RHBG: variants seen among roughly 807,000 people sequenced by gnomAD.
RHBG encodes the protein ammonium transporter Rh type B.
A neutral mutation model predicts 40.1 loss-of-function variants in RHBG; 39 were observed. The ratio of observed to expected loss-of-function variants is 0.97; its 90% CI spans 0.75 to 1.27. The LOEUF is 1.27. RHBG is among the 50% of genes most tolerant of loss of function. The pLI, the probability that RHBG is intolerant of heterozygous loss-of-function variation, is 0.00. For missense variants in RHBG, 549 were observed against 588.1 expected, an observed-to-expected ratio of 0.93 and a Z score of 0.69; for synonymous variants, 237 against 252.5, an observed-to-expected ratio of 0.94 and a Z score of 0.58.
At chr1:156,369,475 C>T (rs912473441) in intron 1 of RHBG, 39 bp downstream of exon 1, 2 of 1,549,050 alleles carry the variant, frequency 1.3e-6, no homozygotes, top group Non-Finnish European at 1.7e-6. Context: ...GCAAAGACCC[C>T]AAGATTTGCA....
chr1:156,384,121 A>C (rs569759370), intron 8 of RHBG, among the ~76,000 whole-genome samples: 24 of 152,338 alleles, frequency 1.6e-4, no homozygotes, highest in African/African-American at 5.8e-4. Context: ...GGCGTGAGCC[A>C]CTGCGCCCGG....
intron 1 of RHBG, among the ~76,000 whole-genome samples, chr1:156,375,269 C>T (rs190316894): frequency 2.5e-3 from 386 of 151,684 alleles, no homozygotes; most frequent in South Asian, 0.013. Flanking sequence ...GACGGGGTTT[C>T]GCCATATTGG....
At chr1:156,378,547 G>A (rs1417059806) in intron 4 of RHBG, 148 bp downstream of exon 4, 2 of 900,226 alleles carry the variant, frequency 2.2e-6, no homozygotes, top group Non-Finnish European at 1.7e-6. Context: ...AGAGCTCTGG[G>A]ACCTGCCTGC....
chr1:156,383,368 C>G (rs1667805329), intron 8 of RHBG, among the ~76,000 whole-genome samples: 1 of 152,230 alleles, frequency 6.6e-6, no homozygotes, highest in Non-Finnish European at 1.5e-5. Context: ...CCTCTGTCTC[C>G]CGGGTTCAAG....
chr1:156,382,075 T>C lies in RHBG; in HGVS notation c.986T>C (p.Leu329Pro). The change falls in exon 7 of 10, where the codon CTT (leucine) becomes CCT (proline). Residue 329 changes from leucine to proline, a missense_variant. This residue lies in a region of RHBG where 399 missense variants were observed against 417.0 expected (regional missense o/e 0.96). Coordinates refer to ENST00000537040, the MANE Select transcript of RHBG (RefSeq NM_020407.5). ...TLGYKFFTPI[L>P]ESKFKVQDTC... ...ATCTGTCTTGCCCTCCAGCCCATCC[T>C]TGAATCAAAATTCAAAGTCCAAGAC... 6.2e-7 allele frequency: 1 copy of C among 1,610,182 alleles called. No homozygotes were observed. The highest frequency in any genetic ancestry group is 8.5e-7 in the Non-Finnish European group (1 of 1,176,970).
Position 156,382,184 on chromosome 1 carries a change from T to C in RHBG, c.1095T>C (p.His365=), listed in dbSNP as rs962590975. 3.1e-6 allele frequency: 5 copies of C among 1,613,946 alleles called. No individual in the cohort carries two copies. Among genetic ancestry groups the C allele is most frequent in the Middle Eastern group, 1.6e-4 (1 of 6,082 alleles). ...LGVLVAGLAT[H]EAYGDGLESV... ...TCCTTGTGGCTGGACTTGCCACCCA[T>C]GAAGCTTACGGAGATGGGTGAGTTT... The change falls in exon 7 of 10, where the codon CAT becomes CAC. Residue 365 remains histidine, a synonymous_variant. Coordinates refer to ENST00000537040, the MANE Select transcript of RHBG (RefSeq NM_020407.5).
Position 156,377,902 on chromosome 1 carries a change from T to C in RHBG, c.375-88T>C. ...CTCCAACCCCACCCCACCCACCACA[T>C]CATGCTGTCCTGGCTTCATGCCAGG... is the stretch of plus-strand genomic sequence containing the variant. On this transcript the variant is annotated intron_variant, in intron 2 of 9. Transcript: ENST00000537040. This position sits in a 1 kb window ranked among gnomAD's most constrained non-coding sequence, Gnocchi z 4.6. 1.8e-6 allele frequency: 1 copy of C among 570,340 alleles called. No individual in the cohort carries two copies. Among genetic ancestry groups the C allele is most frequent in the Non-Finnish European group, 3.0e-6 (1 of 333,942 alleles). The allele number at this position is 570,340 out of a possible 1,614,324, so 35.3% of individuals were successfully genotyped here. A position where few individuals can be genotyped will look rare whatever the true frequency, so the allele number is the denominator to read the frequency against.
In RHBG at chr1:156,378,292, G is replaced by T. The variant is rs764936674; in HGVS notation, c.566G>T (p.Gly189Val). 3.1e-6 allele frequency: 5 copies of T among 1,614,038 alleles called. No homozygotes were observed. In the Admixed American group the frequency reaches 8.3e-5, roughly 27 times the overall value. ...GGCTCCATGACTATCCACACCTTTG[G>T]TGCCTACTTCGGGCTCGTCCTTTCG... ...AGGSMTIHTFGAYFGLVLSRV... is the reference protein window; with the variant it reads ...AGGSMTIHTFVAYFGLVLSRV... Residue 189 changes from glycine (G) to valine (V), a missense_variant, in exon 4 of 10, where the codon GGT becomes GTT. By Grantham distance (109) the Gly-to-Val change is moderately radical. Transcript: ENST00000537040.
At position 156,381,839 on chromosome 1, in the gene RHBG, G is replaced by T. The variant is rs775830654; in HGVS notation, c.874G>T (p.Val292Phe). 2.5e-6 allele frequency: 4 copies of T among 1,595,084 alleles called. No homozygotes were observed. The East Asian group carries it at 8.9e-5, about 36-fold the overall frequency. ...HIQNAALAGGVVVGTSSEMML... is the reference protein window; with the variant it reads ...HIQNAALAGGFVVGTSSEMML... ...CCAAAATGCAGCGCTGGCTGGAGGG[G>T]TTGTGGTGGGGACCTCAAGTGAAAT... Residue 292 changes from valine (V) to phenylalanine (F), a missense_variant, in exon 6 of 10, where the codon GTT becomes TTT. This residue lies in a region of RHBG where 399 missense variants were observed against 417.0 expected (regional missense o/e 0.96). Coordinates refer to ENST00000537040, the MANE Select transcript of RHBG (RefSeq NM_020407.5).
At position 156,378,413 on chromosome 1, in the gene RHBG, G is replaced by A. The variant is rs113186314; in HGVS notation, c.673+14G>A. 1.2e-3 allele frequency: 1,868 copies of A among 1,580,286 alleles called. 21 individuals carry two copies. The African/African-American group carries it at 0.022, about 19-fold the overall frequency. On this transcript the variant is annotated intron_variant, in intron 4 of 9. Transcript: ENST00000537040. ...TCGCCATGATTGGTGAGGCCTTCGA[G>A]GTGCGGTAGCAGGGCAGGGGGCTGG...
intron 4 of RHBG, among the ~76,000 whole-genome samples, chr1:156,380,571 C>CA (rs1425821146): frequency 6.6e-6 from 1 of 151,262 alleles, no homozygotes; most frequent in Non-Finnish European, 1.5e-5. Flanking sequence ...ACTAAAAATA[C>CA]AAAAATTACC....
At chr1:156,382,943 G>C (rs1667767544) in intron 8 of RHBG, 74 bp downstream of exon 8, 12 of 1,592,168 alleles carry the variant, frequency 7.5e-6, no homozygotes, top group Non-Finnish European at 9.5e-6. Flanking sequence ...TTCACTCATA[G>C]ATATTTATGG....
At chr1:156,379,935 A>C (rs1373087161) in intron 4 of RHBG, among the ~76,000 whole-genome samples, 1 of 151,994 alleles carries the variant, frequency 6.6e-6, no homozygotes, top group Admixed American at 6.6e-5. Context: ...CTTTCCCAAA[A>C]TGCACAGGCC....
chr1:156,378,819 C>T (rs370478739), intron 4 of RHBG, among the ~76,000 whole-genome samples: 5 of 152,208 alleles, frequency 3.3e-5, no homozygotes, highest in South Asian at 2.1e-4. Flanking sequence ...CAATCTCTGC[C>T]GGCCCCTGGT....
rs754285167 is a variant in RHBG at position 156,381,563 on chromosome 1, G to A, written c.840+50G>A. 3 of 1,555,608 alleles carry A rather than the reference G, an allele frequency of 1.9e-6. No homozygotes were observed. The South Asian group carries it at 3.7e-5, about 19-fold the overall frequency. ...GGCAGAGGGGGTGGCCTGGGCAGGG[G>A]AGGAGAGGTCTGAGACCCTCAAGAA... is the stretch of plus-strand genomic sequence containing the variant. On this transcript the variant is annotated intron_variant, in intron 5 of 9. Transcript: ENST00000537040.
chr1:156,379,397 A>G (rs780989460), intron 4 of RHBG, among the ~76,000 whole-genome samples: 1 of 151,854 alleles, frequency 6.6e-6, no homozygotes, highest in Middle Eastern at 3.4e-3. Context: ...TTTTTTTTTC[A>G]TAGAAGGTAT....
Position 156,377,901 on chromosome 1 carries a change from A to G in RHBG, c.375-89A>G. ...ACTCCAACCCCACCCCACCCACCAC[A>G]TCATGCTGTCCTGGCTTCATGCCAG... On this transcript the variant is annotated intron_variant, in intron 2 of 9. Coordinates refer to ENST00000537040, the MANE Select transcript of RHBG (RefSeq NM_020407.5). The surrounding 1 kb of genome is among the most constrained non-coding windows in gnomAD (Gnocchi z 4.6). 8.1e-7 allele frequency: 1 copy of G among 1,230,008 alleles called. No homozygotes were observed. Among genetic ancestry groups the G allele is most frequent in the South Asian group, 1.6e-5 (1 of 62,986 alleles). 76.2% of individuals were successfully genotyped at this position (1,230,008 alleles called of 1,614,324 possible).
chr1:156,372,471 C>CT (rs1666921379), intron 1 of RHBG, among the ~76,000 whole-genome samples: 1 of 152,182 alleles, frequency 6.6e-6, no homozygotes, highest in Admixed American at 6.5e-5. Context: ...TGGACAGGTT[C>CT]TTTTTTCATA....
rs183987681 is a variant in RHBG, at chr1:156,383,472, C to T, written c.1234+603C>T. On this transcript the variant is annotated intron_variant, in intron 8 of 9. Transcript: ENST00000537040. ...TGTATTTTTAGTAGAGACGGGGTTTCGCCATGTTGGCCAGGCTGGTCTCAG... is the reference window on the plus strand; with the variant it reads ...TGTATTTTTAGTAGAGACGGGGTTTTGCCATGTTGGCCAGGCTGGTCTCAG... Among the ~76,000 whole-genome samples the T allele has an allele frequency of 1.2e-3, 188 of 152,334 alleles. 1 individual carries two copies. Among genetic ancestry groups the T allele is most frequent in the Non-Finnish European group, 2.2e-3 (150 of 68,040 alleles).
Sources: allele counts gnomAD v4.1 joint callset (sites outside exome capture counted in the v4.1 genomes callset), GRCh38; gene constraint gnomAD v4.1.1; regional missense constraint gnomAD v4.1.1; non-coding constraint Gnocchi (gnomAD v3.1); transcripts MANE v1.5; gene names NCBI Gene and HGNC (gene_info 2026-07-23, HGNC 2026-07-21).